Variants in SRSF10 observed in about 807,000 individuals in gnomAD.
SRSF10 encodes the protein serine and arginine rich splicing factor 10.
In SRSF10, 9 loss-of-function variants were observed where a neutral mutation model predicts 32.6. The observed-to-expected ratio is 0.28, with a 90% CI of 0.17 to 0.48. The LOEUF (loss-of-function observed/expected upper bound fraction) is 0.48. Among genes scored for constraint, SRSF10 ranks in the 20% least tolerant of loss-of-function variants. SRSF10 has a pLI of 0.99. For synonymous variants in SRSF10, 105 were observed against 112.4 expected, an observed-to-expected ratio of 0.93 and a Z score of 0.42; for missense variants, 201 against 331.8, an observed-to-expected ratio of 0.61 and a Z score of 3.06.
intron 1 of SRSF10, 117 bp from the exon 2 acceptor site, chr1:23,978,934 G>A (rs1338013362): frequency 4.8e-6 from 4 of 828,120 alleles, no homozygotes; most frequent in Non-Finnish European, 7.2e-6. Context: ...TAAAAATGCA[G>A]TTTACATTAA....
At position 23,967,623 on chromosome 1, in the gene SRSF10, T is replaced by TG; in HGVS notation, c.*3518dup. The stretch of plus-strand genomic sequence containing the variant: ...ACTGCAGCACCTTCCACCCACCCTT[T>TG]GGTCGCTTGAACTGCCCTTCTTTGG... On this transcript the variant is annotated 3_prime_UTR_variant, in exon 6 of 6. Coordinates refer to ENST00000492112, the MANE Select transcript of SRSF10 (RefSeq NM_054016.4). The TG allele has an allele frequency of 8.3e-7, 1 of 1,201,290 alleles. No individual in the cohort carries two copies. Among genetic ancestry groups the TG allele is most frequent in the South Asian group, 1.2e-5 (1 of 82,468 alleles). 74.4% of individuals were successfully genotyped at this position (1,201,290 alleles called of 1,614,324 possible). A position where few individuals can be genotyped will look rare whatever the true frequency, so the allele number is the denominator to read the frequency against.
chr1:23,975,135 C>T, intron 2 of SRSF10, 58 bp from the exon 3 acceptor site: 9 of 1,299,028 alleles, frequency 6.9e-6, no homozygotes, highest in Non-Finnish European at 1.0e-5. Flanking sequence ...AATGAAAGTT[C>T]AGTTGGTATG....
At chr1:23,979,602 G>A (rs971443481) in intron 1 of SRSF10, among the ~76,000 whole-genome samples, 1 of 151,990 alleles carries the variant, frequency 6.6e-6, no homozygotes, top group Non-Finnish European at 1.5e-5. Context: ...AGGGTGACCA[G>A]AATTTCCAGG....
chr1:23,972,869 G>A (rs1641857166), intron 3 of SRSF10, among the ~76,000 whole-genome samples: 1 of 152,074 alleles, frequency 6.6e-6, no homozygotes. Context: ...AGCCTCCCAA[G>A]TAGCTGGGAT....
At chr1:23,974,146 C>A (rs1641940406) in intron 3 of SRSF10, among the ~76,000 whole-genome samples, 1 of 152,100 alleles carries the variant, frequency 6.6e-6, no homozygotes, top group African/African-American at 2.4e-5. Context: ...TGCAGGCCAC[C>A]ATGCCTGGCT....
chr1:23,971,545 G>A, intron 5 of SRSF10, 28 bp downstream of exon 5: 4 of 1,601,782 alleles, frequency 2.5e-6, no homozygotes, highest in Non-Finnish European at 3.4e-6. Flanking sequence ...AAAAATACAT[G>A]AGTCTTTTTC....
chr1:23,969,780 A>G lies in SRSF10; in HGVS notation c.*1362T>C, dbSNP rs941014885. ...AGTCAGGTACTACACTGATAATCGA[A>G]AGCTCAAAAGATGTGACTCTTGCTT... On this transcript the variant is annotated 3_prime_UTR_variant, in exon 6 of 6. Coordinates refer to ENST00000492112, the MANE Select transcript of SRSF10 (RefSeq NM_054016.4). 2.0e-6 allele frequency: 2 copies of G among 985,388 alleles called. No homozygotes were observed. The highest frequency in any genetic ancestry group is 2.4e-6 in the Non-Finnish European group (2 of 829,870). The allele number at this position is 985,388 out of a possible 1,614,324, so 61.0% of individuals were successfully genotyped here.
chr1:23,971,601 G>A lies in SRSF10; in HGVS notation c.463C>T (p.Arg155Cys), dbSNP rs1641755604. The A allele has an allele frequency of 9.3e-6, 15 of 1,610,844 alleles. No homozygotes were observed. Among genetic ancestry groups the A allele is most frequent in the East Asian group, 4.5e-5 (2 of 44,878 alleles). Reference sequence around the variant, plus strand: ...TCATTGTCGGAATGGCTTCTGCTACGCCGTGGTCTTCCAGTCGGTCTACTG... The same window carrying A: ...TCATTGTCGGAATGGCTTCTGCTACACCGTGGTCTTCCAGTCGGTCTACTG... ...RNSRPTGRPR[R>C]SRSHSDNDRF... Residue 155 changes from arginine (R) to cysteine (C), a missense_variant, in exon 5 of 6, where the codon CGT becomes TGT. This residue lies in a region of SRSF10 where 159 missense variants were observed against 196.7 expected (regional missense o/e 0.81). Transcript: ENST00000492112.
At chr1:23,976,802 G>GA (rs2148510443) in intron 2 of SRSF10, 1 of 152,332 alleles carries the variant, frequency 6.6e-6, no homozygotes, top group Non-Finnish European at 1.5e-5. Flanking sequence ...CAGTCATGGA[G>GA]AAATTTGTAC....
intron 2 of SRSF10, chr1:23,977,815 G>A: frequency 1.2e-6 from 1 of 851,924 alleles, no homozygotes; most frequent in Non-Finnish European, 1.4e-6. Flanking sequence ...CAAGTTACAG[G>A]TTTTGTCACT....
intron 3 of SRSF10, among the ~76,000 whole-genome samples, chr1:23,974,633 G>A (rs901104789): frequency 7.2e-5 from 11 of 151,984 alleles, no homozygotes; most frequent in African/African-American, 1.9e-4. Context: ...GTTCGAGACC[G>A]GCCTGGCCAA....
intron 1 of SRSF10, 119 bp downstream of exon 1, chr1:23,980,072 C>A (rs889548600): frequency 8.7e-7 from 1 of 1,144,586 alleles, no homozygotes; most frequent in Non-Finnish European, 1.2e-6. Flanking sequence ...CCAAAGCGGG[C>A]GCGGGACCCG....
intron 3 of SRSF10, among the ~76,000 whole-genome samples, chr1:23,974,511 T>C (rs1234220344): frequency 6.6e-6 from 1 of 152,202 alleles, no homozygotes; most frequent in Non-Finnish European, 1.5e-5. Context: ...ATATTCAAGA[T>C]ACTCCATTTT....
chr1:23,965,290 C>T lies in SRSF10; in HGVS notation c.*5852G>A, dbSNP rs1641398700. The T allele has an allele frequency of 6.6e-6, 1 of 151,980 alleles. No homozygotes were observed. The highest frequency in any genetic ancestry group is 2.1e-4 in the South Asian group (1 of 4,832). 9.4% of individuals were successfully genotyped at this position (151,980 alleles called of 1,614,324 possible). ...AGTCACAGATACTTCAGAATATAAT[C>T]TTAGGTTTTGTAAACAGGAACATGG... On this transcript the variant is annotated 3_prime_UTR_variant, in exon 6 of 6. Coordinates refer to ENST00000492112, the MANE Select transcript of SRSF10 (RefSeq NM_054016.4).
rs1373560713 is a variant in SRSF10 at position 23,968,640 on chromosome 1, T to C, written c.*2502A>G. Reference sequence around the variant, plus strand: ...TCAAACCACAAAATACCTAACCTACTTCCCCAAAGAGGTTATCACTTAATA... The same window carrying C: ...TCAAACCACAAAATACCTAACCTACCTCCCCAAAGAGGTTATCACTTAATA... On this transcript the variant is annotated 3_prime_UTR_variant, in exon 6 of 6. Transcript: ENST00000492112. Among the ~76,000 whole-genome samples the C allele has an allele frequency of 1.3e-5, 2 of 152,198 alleles. No individual in the cohort carries two copies. Among genetic ancestry groups the C allele is most frequent in the Non-Finnish European group, 2.9e-5 (2 of 68,020 alleles).
intron 1 of SRSF10, among the ~76,000 whole-genome samples, 200 bp downstream of exon 1, chr1:23,979,991 C>A (rs1314702890): frequency 2.0e-5 from 3 of 152,222 alleles, no homozygotes; most frequent in Non-Finnish European, 4.4e-5. Flanking sequence ...GCCACGCGGC[C>A]CGGCGAAGGC....
Position 23,964,551 on chromosome 1 carries a change from TC to T in SRSF10, c.*6590del, listed in dbSNP as rs1641364086. Among the ~76,000 whole-genome samples the T allele has an allele frequency of 6.6e-6, 1 of 151,976 alleles. No homozygotes were observed. The highest frequency in any genetic ancestry group is 1.5e-5 in the Non-Finnish European group (1 of 67,874). Reference sequence around the variant, plus strand: ...CGATGGCAGTTATACTATGATGGAATCCAGGTCCAAAACCTATCCTTAAGCT... The same window carrying T: ...CGATGGCAGTTATACTATGATGGAATCAGGTCCAAAACCTATCCTTAAGCT... On this transcript the variant is annotated 3_prime_UTR_variant, in exon 6 of 6. Coordinates refer to ENST00000492112, the MANE Select transcript of SRSF10 (RefSeq NM_054016.4).
intron 3 of SRSF10, among the ~76,000 whole-genome samples, chr1:23,972,688 C>T (rs1342921449): frequency 3.3e-5 from 5 of 151,578 alleles, no homozygotes; most frequent in South Asian, 2.1e-4. Flanking sequence ...ATAATCCACC[C>T]GCCTCGGCCT....
In SRSF10 at chr1:23,980,309, G is replaced by C. The variant is rs1031220017; in HGVS notation, c.-54C>G. On this transcript the variant is annotated 5_prime_UTR_variant, in exon 1 of 6. Transcript: ENST00000492112. ...TAACGGGCTCAGCAAACCGTCCGCG[G>C]CTCAGGCGGCCGAGCCTCAGACACA... 54 of 1,384,910 alleles carry C rather than the reference G, an allele frequency of 3.9e-5. No individual in the cohort carries two copies. The highest frequency in any genetic ancestry group is 3.8e-4 in the Middle Eastern group (2 of 5,312). 85.8% of individuals were successfully genotyped at this position (1,384,910 alleles called of 1,614,324 possible).
Sources: gnomAD v4.1 joint callset for allele counts (sites outside exome capture counted in the v4.1 genomes callset) on GRCh38, gnomAD v4.1.1 for gene constraint, gnomAD v4.1.1 regional missense constraint, MANE v1.5 for transcripts, NCBI Gene and HGNC (gene_info 2026-07-23, HGNC 2026-07-21) for gene names.